PCCB: variants seen among roughly 807,000 people sequenced by gnomAD.
The protein encoded by PCCB is propionyl-CoA carboxylase beta chain, mitochondrial.
Under a neutral mutation model 60.7 loss-of-function variants are expected in PCCB, and 43 were observed. The observed-to-expected ratio is 0.71, with a 90% CI of 0.55 to 0.91. The LOEUF (loss-of-function observed/expected upper bound fraction) is 0.91, where lower values mean the gene tolerates loss of function less well. Among genes scored for constraint, PCCB ranks in the 40% least tolerant of loss-of-function variants. The probability of loss-of-function intolerance (pLI) is 0.00; values close to 1 mark genes in which losing one functional copy is unlikely to be tolerated. For missense variants in PCCB, 766 were observed against 702.8 expected, an observed-to-expected ratio of 1.09 and a Z score of -1.02; for synonymous variants, 276 against 255.9, an observed-to-expected ratio of 1.08 and a Z score of -0.75.
intron 1 of PCCB, chr3:136,255,466 C>A: frequency 3.4e-6 from 1 of 297,198 alleles, no homozygotes; most frequent in South Asian, 3.2e-5. Context: ...GTGTCAGATC[C>A]TTCACTAAGC....
At chr3:136,255,713 C>T (rs1345652704) in intron 1 of PCCB, 143 bp from the exon 2 acceptor site, 2 of 772,598 alleles carry the variant, frequency 2.6e-6, no homozygotes, top group African/African-American at 1.7e-5. Flanking sequence ...ACCTATCTGC[C>T]TTGGGCAGGT....
At chr3:136,272,758 C>T (rs997417592) in intron 5 of PCCB, among the ~76,000 whole-genome samples, 12 of 151,842 alleles carry the variant, frequency 7.9e-5, no homozygotes, top group South Asian at 6.2e-4. Context: ...GTCTAATGGT[C>T]GACCAATTTT....
intron 9 of PCCB, among the ~76,000 whole-genome samples, chr3:136,314,544 G>A (rs1005143193): frequency 6.6e-6 from 1 of 152,048 alleles, no homozygotes; most frequent in Non-Finnish European, 1.5e-5. Flanking sequence ...GGTCCCAGCT[G>A]CTTGGGAGGC....
At chr3:136,298,950 T>A (rs1934060896) in intron 8 of PCCB, among the ~76,000 whole-genome samples, 2 of 152,190 alleles carry the variant, frequency 1.3e-5, no homozygotes, top group Non-Finnish European at 2.9e-5. Context: ...AGGGCCTCAC[T>A]CTGTCTGCCT....
chr3:136,279,901 C>T (rs1030029881), intron 5 of PCCB, among the ~76,000 whole-genome samples: 35 of 152,188 alleles, frequency 2.3e-4, no homozygotes, highest in East Asian at 1.9e-3. Flanking sequence ...CTCCTGACCT[C>T]GTGATCTGCC....
intron 8 of PCCB, among the ~76,000 whole-genome samples, chr3:136,300,620 C>T (rs1316039571): frequency 1.3e-5 from 2 of 152,194 alleles, no homozygotes. Flanking sequence ...TTATGCAGAG[C>T]TCTGCCTTTG....
At chr3:136,288,314 C>T (rs989814870) in intron 6 of PCCB, among the ~76,000 whole-genome samples, 1 of 151,810 alleles carries the variant, frequency 6.6e-6, no homozygotes, top group Non-Finnish European at 1.5e-5. Flanking sequence ...AAAATGATTT[C>T]TATTTATTTT....
At chr3:136,316,253 G>C (rs1429298370) in intron 9 of PCCB, among the ~76,000 whole-genome samples, 1 of 151,704 alleles carries the variant, frequency 6.6e-6, no homozygotes, top group Non-Finnish European at 1.5e-5. Flanking sequence ...AGAATAGTTT[G>C]TAGTAAAATA....
chr3:136,270,071 C>A (rs934678071), intron 5 of PCCB, among the ~76,000 whole-genome samples: 1 of 140,182 alleles, frequency 7.1e-6, no homozygotes, highest in Non-Finnish European at 1.5e-5. Flanking sequence ...GTGTTTTTAT[C>A]ATGAAGGGTA....
intron 5 of PCCB, among the ~76,000 whole-genome samples, chr3:136,282,013 G>A (rs1942488686): frequency 6.6e-6 from 1 of 152,132 alleles, no homozygotes; most frequent in African/African-American, 2.4e-5. Context: ...AATCAGGGTT[G>A]AAACAATGCC....
At position 136,302,713 on chromosome 3, in the gene PCCB, C is replaced by G. The variant is rs1207537223; in HGVS notation, c.966+1602C>G. On this transcript the variant is annotated intron_variant, in intron 9 of 14. Transcript: ENST00000251654. ...ATATCTCCTAATGCTATCCCTCCCC[C>G]CTCCCCCAACCCCACAACAGTCCCC... 8.9e-5 allele frequency among the ~76,000 whole-genome samples: 10 copies of G among 112,370 alleles called. 4 individuals carry two copies. The highest frequency in any genetic ancestry group is 3.3e-4 in the Admixed American group (3 of 9,034). The allele number at this position is 112,370 out of a possible 152,430, so 73.7% of individuals were successfully genotyped here. A position where few individuals can be genotyped will look rare whatever the true frequency, so the allele number is the denominator to read the frequency against.
At chr3:136,262,769 C>A (rs1187172009) in intron 5 of PCCB, among the ~76,000 whole-genome samples, 1 of 152,150 alleles carries the variant, frequency 6.6e-6, no homozygotes, top group East Asian at 1.9e-4. Context: ...CCACTCTTAT[C>A]ATCCCTGCTC....
intron 9 of PCCB, among the ~76,000 whole-genome samples, 171 bp downstream of exon 9, chr3:136,301,282 A>G (rs898430483): frequency 2.0e-5 from 3 of 152,056 alleles, no homozygotes; most frequent in Admixed American, 6.6e-5. Flanking sequence ...TTCTGGAAAG[A>G]CCTAGTGGCT....
At chr3:136,257,184 T>G (rs543468827) in intron 3 of PCCB, among the ~76,000 whole-genome samples, 1 of 152,312 alleles carries the variant, frequency 6.6e-6, no homozygotes, top group Admixed American at 6.5e-5. Context: ...GTAGCCTGAT[T>G]TATCCAGGTG....
At chr3:136,265,923 T>A (rs1397785877) in intron 5 of PCCB, among the ~76,000 whole-genome samples, 4 of 151,908 alleles carry the variant, frequency 2.6e-5, no homozygotes, top group Admixed American at 2.0e-4. Flanking sequence ...CCTCCTGGGT[T>A]CACGCCATTC....
At chr3:136,300,931 C>A (rs2108208530) in intron 8 of PCCB, 99 bp from the exon 9 acceptor site, 1 of 833,362 alleles carries the variant, frequency 1.2e-6, no homozygotes, top group South Asian at 1.4e-5. Flanking sequence ...CTGGCCCAGT[C>A]CCTATGACGT....
At position 136,263,944 on chromosome 3, in the gene PCCB, A is replaced by G. The variant is rs145870496; in HGVS notation, c.543+1879A>G. Among the ~76,000 whole-genome samples, 147 of 152,100 alleles carry G rather than the reference A, an allele frequency of 9.7e-4. 5 individuals are homozygous for G. In the East Asian group the frequency reaches 0.027, roughly 28 times the overall value. On this transcript the variant is annotated intron_variant, in intron 5 of 14. Transcript: ENST00000251654. The stretch of plus-strand genomic sequence containing the variant: ...GGACAACTGCTTGAACCTGGGAGAC[A>G]GAGGTTACAGTGAGCCAAGATTGTG...
chr3:136,283,724 A>G (rs901341868), intron 5 of PCCB, 113 bp from the exon 6 acceptor site: 4 of 741,998 alleles, frequency 5.4e-6, no homozygotes, highest in Non-Finnish European at 9.6e-6. Context: ...CCTCCTGTAT[A>G]GAATTTCTGT....
intron 5 of PCCB, among the ~76,000 whole-genome samples, chr3:136,271,352 A>G (rs1942195194): frequency 6.6e-6 from 1 of 152,074 alleles, no homozygotes; most frequent in African/African-American, 2.4e-5. Context: ...GTTCCATATA[A>G]ATTTTAGGAT....
Sources: gnomAD v4.1 joint callset for allele counts (sites outside exome capture counted in the v4.1 genomes callset) on GRCh38, gnomAD v4.1.1 for gene constraint, MANE v1.5 for transcripts, NCBI Gene and HGNC (gene_info 2026-07-23, HGNC 2026-07-21) for gene names.